The following ABLIM2 variants were observed in gnomAD, a reference collection of about 807,000 sequenced individuals.
The protein encoded by ABLIM2 is actin-binding LIM protein 2.
Under a neutral mutation model 97.7 loss-of-function variants are expected in ABLIM2, and 53 were observed. That is an observed-to-expected ratio of 0.54 (90% CI 0.44 to 0.68). ABLIM2 has a LOEUF of 0.68. Ranked by LOEUF, ABLIM2 falls within the 30% of genes least tolerant of loss-of-function variation. The pLI is 0.00. For synonymous variants in ABLIM2, 361 were observed against 345.8 expected, an observed-to-expected ratio of 1.04 and a Z score of -0.49; for missense variants, 835 against 867.2, an observed-to-expected ratio of 0.96 and a Z score of 0.47.
intron 2 of ABLIM2, among the ~76,000 whole-genome samples, chr4:8,100,600 G>C (rs1834030007): frequency 6.6e-6 from 1 of 152,044 alleles, no homozygotes; most frequent in Non-Finnish European, 1.5e-5. Context: ...TGCAAAACTA[G>C]CTGGGTGTGG....
At chr4:7,977,818 A>AAATAAAT (rs1332481229) in intron 20 of ABLIM2, among the ~76,000 whole-genome samples, 2 of 151,638 alleles carry the variant, frequency 1.3e-5, no homozygotes, top group Non-Finnish European at 2.9e-5. Flanking sequence ...ATAAATAAAT[A>AAATAAAT]AATAAATAAA....
In ABLIM2 at chr4:8,008,167, C is replaced by T. The variant is rs1762610490; in HGVS notation, c.1510G>A (p.Ala504Thr). 6.2e-7 allele frequency: 1 copy of T among 1,613,860 alleles called. No individual in the cohort carries two copies. The highest frequency in any genetic ancestry group is 1.3e-5 in the African/African-American group (1 of 74,928). The change falls in exon 16 of 21, where the codon GCA becomes ACA. Residue 504 changes from alanine (A) to threonine (T), a missense_variant. By Grantham distance (58) the Ala-to-Thr change is moderately conservative. Transcript: ENST00000447017. ...KSSWLMLKGD[A>T]DTRTNSPDLD... is the part of the protein sequence containing the mutation. ...TCTGGAGAATTGGTCCTTGTGTCTG[C>T]ATCCCCCTTGAGCATCAGCCAGCTG...
chr4:8,027,935 C>G (rs1294148334), intron 11 of ABLIM2, 78 bp from the exon 12 acceptor site: 1 of 1,022,232 alleles, frequency 9.8e-7, no homozygotes, highest in African/African-American at 1.7e-5. Context: ...CATCCCCACT[C>G]TGCTACGAAC....
At chr4:8,136,760 C>T (rs1220413551) in intron 1 of ABLIM2, among the ~76,000 whole-genome samples, 3 of 152,256 alleles carry the variant, frequency 2.0e-5, no homozygotes, top group African/African-American at 7.2e-5. Context: ...GTACACCTCA[C>T]TGCCTAGTGC....
intron 9 of ABLIM2, among the ~76,000 whole-genome samples, chr4:8,037,868 CCT>C (rs1211923282): frequency 6.6e-6 from 1 of 152,198 alleles, no homozygotes; most frequent in Non-Finnish European, 1.5e-5. Context: ...TGGGAGAACC[CCT>C]GTGTTTGCTC....
chr4:8,008,304 T>C (rs1308728750), intron 15 of ABLIM2, 104 bp from the exon 16 acceptor site: 51 of 1,135,316 alleles, frequency 4.5e-5, no homozygotes, highest in Non-Finnish European at 6.2e-5. Context: ...ACATACGAGC[T>C]GACCCCACTG....
intron 14 of ABLIM2, among the ~76,000 whole-genome samples, chr4:8,018,066 A>G (rs1770779785): frequency 6.6e-6 from 1 of 151,954 alleles, no homozygotes. Flanking sequence ...TGGTTCAGGT[A>G]AAGGACTGAG....
At chr4:8,013,870 C>T (rs545835808) in intron 14 of ABLIM2, among the ~76,000 whole-genome samples, 412 of 152,314 alleles carry the variant, frequency 2.7e-3, no homozygotes, top group Non-Finnish European at 4.3e-3. Flanking sequence ...CTCAGGTGCA[C>T]GGAGGAAGTG....
intron 1 of ABLIM2, among the ~76,000 whole-genome samples, chr4:8,126,339 G>A (rs1192098391): frequency 6.6e-6 from 1 of 152,022 alleles, no homozygotes; most frequent in Admixed American, 6.5e-5. Context: ...GGGAGCCGCT[G>A]GAGGCCCTGG....
In ABLIM2 at chr4:8,127,793, CAGAG is replaced by C; in HGVS notation, c.11-21160_11-21157del. The C allele has an allele frequency of 1.2e-6, 1 of 869,548 alleles. No individual in the cohort carries two copies. Among genetic ancestry groups the C allele is most frequent in the South Asian group, 5.3e-5 (1 of 18,964 alleles). 53.9% of individuals were successfully genotyped at this position (869,548 alleles called of 1,614,324 possible). On this transcript the variant is annotated intron_variant, in intron 1 of 20. Coordinates refer to ENST00000447017, the MANE Select transcript of ABLIM2 (RefSeq NM_001130083.2). This position sits in a 1 kb window ranked among gnomAD's most constrained non-coding sequence, Gnocchi z 7.3. ...AATAGACTCCCGCCACACTATGCGCCAGAGACACACCTGTCTCCCAGGCATCCGG... is the reference window on the plus strand; with the variant it reads ...AATAGACTCCCGCCACACTATGCGCCACACACCTGTCTCCCAGGCATCCGG...
Position 8,082,230 on chromosome 4 carries a change from G to C in ABLIM2, c.455-1428C>G, listed in dbSNP as rs375413022. Among the ~76,000 whole-genome samples, 18 of 152,260 alleles carry C rather than the reference G, an allele frequency of 1.2e-4. No individual in the cohort carries two copies. The highest frequency in any genetic ancestry group is 4.3e-4 in the African/African-American group (18 of 41,552). On this transcript the variant is annotated intron_variant, in intron 4 of 20. Transcript: ENST00000447017. The surrounding 1 kb of genome is among the most constrained non-coding windows in gnomAD (Gnocchi z 5.6). ...CTCTACCCAAGATGGAAAGAAGGTG[G>C]CCCCAGGGCCCGACGTGCTGGGTAC...
chr4:8,112,235 C>G lies in ABLIM2; in HGVS notation c.11-5598G>C, dbSNP rs1167279210. Among the ~76,000 whole-genome samples, 1 of 152,216 alleles carries G rather than the reference C, an allele frequency of 6.6e-6. No homozygotes were observed. The highest frequency in any genetic ancestry group is 1.5e-5 in the Non-Finnish European group (1 of 68,044). The stretch of plus-strand genomic sequence containing the variant: ...CTCTCAGGAAATCCCCCTGCCTCCC[C>G]CTCCAGGCTGAACTCCTGGTCTGCC... On this transcript the variant is annotated intron_variant, in intron 1 of 20. Transcript: ENST00000447017. This position sits in a 1 kb window ranked among gnomAD's most constrained non-coding sequence, Gnocchi z 4.2.
In ABLIM2 at chr4:7,995,458, C is replaced by T. The variant is rs189575507; in HGVS notation, c.1619-2531G>A. On this transcript the variant is annotated intron_variant, in intron 16 of 20. Coordinates refer to ENST00000447017, the MANE Select transcript of ABLIM2 (RefSeq NM_001130083.2). ...AGGCAGGTTCTGTGCACAGAACTGC[C>T]CACCCGCTCTCTCCGGGGACCTCAC... 3.9e-5 allele frequency among the ~76,000 whole-genome samples: 6 copies of T among 152,294 alleles called. No individual in the cohort carries two copies. The East Asian group carries it at 1.2e-3, about 29-fold the overall frequency.
At chr4:7,987,144 T>G (rs1018623352) in intron 17 of ABLIM2, among the ~76,000 whole-genome samples, 1 of 152,126 alleles carries the variant, frequency 6.6e-6, no homozygotes, top group Non-Finnish European at 1.5e-5. Flanking sequence ...ACTTGGCTAA[T>G]TTTTGTATTT....
chr4:8,093,978 C>T (rs1182371534), intron 3 of ABLIM2, among the ~76,000 whole-genome samples: 2 of 152,204 alleles, frequency 1.3e-5, no homozygotes, highest in Non-Finnish European at 2.9e-5. Context: ...AATAGATCTA[C>T]ATCCACAGAT....
rs928474607 is a variant in ABLIM2 at position 8,068,953 on chromosome 4, C to G, written c.676-7899G>C. The stretch of plus-strand genomic sequence containing the variant: ...CCCTGGGGGTGTTTGGCGGCCAGGA[C>G]AGAATCCCCAGAATCCCCAGGGGCC... On this transcript the variant is annotated intron_variant, in intron 6 of 20. Coordinates refer to ENST00000447017, the MANE Select transcript of ABLIM2 (RefSeq NM_001130083.2). The surrounding 1 kb of genome is among the most constrained non-coding windows in gnomAD (Gnocchi z 4.5). Among the ~76,000 whole-genome samples, 2 of 152,258 alleles carry G rather than the reference C, an allele frequency of 1.3e-5. No individual in the cohort carries two copies. Among genetic ancestry groups the G allele is most frequent in the African/African-American group, 4.8e-5 (2 of 41,472 alleles).
At chr4:8,036,963 T>C (rs1784860685) in intron 9 of ABLIM2, among the ~76,000 whole-genome samples, 1 of 152,114 alleles carries the variant, frequency 6.6e-6, no homozygotes, top group South Asian at 2.1e-4. Flanking sequence ...TATGCTCAGG[T>C]TGTTAAGTAA....
At chr4:8,016,529 C>T (rs6827115) in intron 14 of ABLIM2, among the ~76,000 whole-genome samples, 2,878 of 152,238 alleles carry the variant, frequency 0.019, 99 homozygotes, top group African/African-American at 0.063. Context: ...AAGCTCCCCA[C>T]GATGTAGCTG....
At chr4:8,025,965 G>T (rs1426884665) in intron 12 of ABLIM2, among the ~76,000 whole-genome samples, 1 of 152,202 alleles carries the variant, frequency 6.6e-6, no homozygotes. Context: ...GCCCCTGCTG[G>T]CCATGCTTCT....
Sources: allele counts gnomAD v4.1 joint callset (sites outside exome capture counted in the v4.1 genomes callset), GRCh38; gene constraint gnomAD v4.1.1; non-coding constraint Gnocchi (gnomAD v3.1); transcripts MANE v1.5; gene names NCBI Gene and HGNC (gene_info 2026-07-23, HGNC 2026-07-21).